GPR146: variants seen among roughly 807,000 people sequenced by gnomAD.
The protein encoded by GPR146 is G-protein coupled receptor 146.
For missense variants in GPR146, 381 were observed against 213.9 expected, an observed-to-expected ratio of 1.78 and a Z score of -4.87; for synonymous variants, 203 against 104.3, an observed-to-expected ratio of 1.95 and a Z score of -5.77.
intron 1 of GPR146, among the ~76,000 whole-genome samples, chr7:1,047,877 C>T (rs1442763763): frequency 6.6e-6 from 1 of 152,244 alleles, no homozygotes; most frequent in Non-Finnish European, 1.5e-5. Context: ...TGGTGGATCA[C>T]TCGCCTTGGG....
At chr7:1,046,859 T>C (rs1290045915) in intron 1 of GPR146, among the ~76,000 whole-genome samples, 1 of 152,122 alleles carries the variant, frequency 6.6e-6, no homozygotes, top group Non-Finnish European at 1.5e-5. Flanking sequence ...TGAGGAGAAA[T>C]AACCTGCTGG....
Position 1,058,795 on chromosome 7 carries a change from C to T in GPR146, c.*278C>T. Reference sequence around the variant, plus strand: ...CAAAAGCCTCCTCGCCTTCAGCCTCCTCAGCATTCAGTTTGTCAATGAAGT... The same window carrying T: ...CAAAAGCCTCCTCGCCTTCAGCCTCTTCAGCATTCAGTTTGTCAATGAAGT... On this transcript the variant is annotated 3_prime_UTR_variant, in exon 2 of 2. Transcript: ENST00000444847. The T allele has an allele frequency of 6.3e-6, 3 of 473,506 alleles. No individual in the cohort carries two copies. Among genetic ancestry groups the T allele is most frequent in the South Asian group, 3.7e-5 (1 of 26,674 alleles). The allele number at this position is 473,506 out of a possible 1,614,324, so 29.3% of individuals were successfully genotyped here.
intron 1 of GPR146, among the ~76,000 whole-genome samples, chr7:1,048,843 A>G (rs1782827169): frequency 6.6e-6 from 1 of 152,334 alleles, no homozygotes; most frequent in African/African-American, 2.4e-5. Context: ...AGACCCCTGG[A>G]GCAGGTTCTC....
intron 1 of GPR146, among the ~76,000 whole-genome samples, chr7:1,047,904 C>T (rs1000634271): frequency 6.6e-6 from 1 of 152,220 alleles, no homozygotes; most frequent in South Asian, 2.1e-4. Context: ...CCTTTTACGT[C>T]ACTGAATACA....
chr7:1,048,902 G>A (rs1489426357), intron 1 of GPR146, among the ~76,000 whole-genome samples: 1 of 152,262 alleles, frequency 6.6e-6, no homozygotes, highest in Non-Finnish European at 1.5e-5. Context: ...GGCCAGGGAA[G>A]CAAGTGTTTA....
intron 1 of GPR146, chr7:1,055,353 C>T (rs773969264): frequency 3.6e-5 from 17 of 470,862 alleles, no homozygotes; most frequent in South Asian, 1.9e-4. Context: ...TAAGAGCCTG[C>T]GGGTTTGCAG....
At chr7:1,047,004 CA>C (rs1237870788) in intron 1 of GPR146, among the ~76,000 whole-genome samples, 1 of 152,230 alleles carries the variant, frequency 6.6e-6, no homozygotes, top group Non-Finnish European at 1.5e-5. Context: ...CCAGAGTCTG[CA>C]GTAGAGACTC....
intron 1 of GPR146, among the ~76,000 whole-genome samples, chr7:1,053,509 T>C (rs555693050): frequency 6.6e-6 from 1 of 152,282 alleles, no homozygotes; most frequent in East Asian, 1.9e-4. Flanking sequence ...GTTCTGTGGG[T>C]GCCCCCTGCA....
chr7:1,055,284 C>CA (rs1193750720), intron 1 of GPR146: 1 of 471,092 alleles, frequency 2.1e-6, no homozygotes, highest in Non-Finnish European at 4.4e-6. Context: ...CAGAGGAAAA[C>CA]AAGTGCTTGC....
chr7:1,047,815 C>A (rs1185784706), intron 1 of GPR146, among the ~76,000 whole-genome samples: 1 of 152,240 alleles, frequency 6.6e-6, no homozygotes, highest in Admixed American at 6.5e-5. Context: ...CGCTGAGTCC[C>A]CATCCTGCCT....
At chr7:1,049,971 G>A (rs537233470) in intron 1 of GPR146, among the ~76,000 whole-genome samples, 1 of 152,108 alleles carries the variant, frequency 6.6e-6, no homozygotes, top group African/African-American at 2.4e-5. Flanking sequence ...CCAACAAGGA[G>A]AGCTGCCCCA....
intron 1 of GPR146, among the ~76,000 whole-genome samples, chr7:1,047,386 G>A (rs909392904): frequency 1.3e-5 from 2 of 152,224 alleles, no homozygotes; most frequent in African/African-American, 4.8e-5. Flanking sequence ...AAAAGCAAAA[G>A]GCTACAAAAA....
chr7:1,053,572 A>C (rs1305516271), intron 1 of GPR146, among the ~76,000 whole-genome samples: 1 of 152,206 alleles, frequency 6.6e-6, no homozygotes, highest in African/African-American at 2.4e-5. Context: ...TCACGTCTGT[A>C]ATCCCAGCAC....
chr7:1,049,874 G>A (rs928938411), intron 1 of GPR146, among the ~76,000 whole-genome samples: 1 of 152,230 alleles, frequency 6.6e-6, no homozygotes, highest in East Asian at 1.9e-4. Context: ...GCCCTGGGCA[G>A]GGACAGCTGA....
intron 1 of GPR146, chr7:1,045,291 T>C (rs974879383): frequency 5.9e-5 from 9 of 152,284 alleles, no homozygotes; most frequent in African/African-American, 2.2e-4. Flanking sequence ...TCTGCATGCA[T>C]GCTACGTGGT....
chr7:1,049,825 G>A (rs1024337741), intron 1 of GPR146, among the ~76,000 whole-genome samples: 5 of 152,200 alleles, frequency 3.3e-5, no homozygotes, highest in Non-Finnish European at 5.9e-5. Flanking sequence ...ACTGTACTGG[G>A]TTCTATGACA....
intron 1 of GPR146, among the ~76,000 whole-genome samples, chr7:1,051,968 A>T (rs1175396004): frequency 6.6e-6 from 1 of 152,226 alleles, no homozygotes; most frequent in Non-Finnish European, 1.5e-5. Context: ...ACTGAGAGAG[A>T]TCCTGGCTCC....
chr7:1,058,066 C>T lies in GPR146; in HGVS notation c.551C>T (p.Ala184Val). Residue 184 changes from alanine to valine, a missense_variant, in exon 2 of 2, where the codon GCA becomes GTA. Physicochemically the swap from Ala to Val is moderately conservative, Grantham distance 64. Coordinates refer to ENST00000444847, the MANE Select transcript of GPR146 (RefSeq NM_001303473.2). ...CTAGAGTGCGCCAAGATGCAGAACG[C>T]AGAAGCTGCCGACGCCACGCTGGTG... ...RALECAKMQNAEAADATLVFI... is the reference protein window; with the variant it reads ...RALECAKMQNVEAADATLVFI... 1 of 767,860 alleles carries T rather than the reference C, an allele frequency of 1.3e-6. No individual in the cohort carries two copies. Among genetic ancestry groups the T allele is most frequent in the Non-Finnish European group, 2.4e-6 (1 of 417,912 alleles). The allele number at this position is 767,860 out of a possible 1,614,324, so 47.6% of individuals were successfully genotyped here.
intron 1 of GPR146, among the ~76,000 whole-genome samples, chr7:1,045,024 T>C (rs1414562704): frequency 6.6e-6 from 1 of 152,210 alleles, no homozygotes; most frequent in Non-Finnish European, 1.5e-5. Flanking sequence ...CCTTCTGTGA[T>C]TAGTATTTTA....
Sources: gnomAD v4.1 joint callset for allele counts (sites outside exome capture counted in the v4.1 genomes callset) on GRCh38, gnomAD v4.1.1 for gene constraint, MANE v1.5 for transcripts, NCBI Gene and HGNC (gene_info 2026-07-23, HGNC 2026-07-21) for gene names.